Variants in ADAMTS6 observed in about 807,000 individuals in gnomAD.
ADAMTS6 encodes the protein ADAM metallopeptidase with thrombospondin type 1 motif 6, also known as A disintegrin and metalloproteinase with thrombospondin motifs 6.
A neutral mutation model predicts 144.3 loss-of-function variants in ADAMTS6; 23 were observed. The ratio of observed to expected loss-of-function variants is 0.16; its 90% confidence interval spans 0.11 to 0.23. The LOEUF is 0.23. Among genes scored for constraint, ADAMTS6 ranks in the 10% least tolerant of loss-of-function variants. ADAMTS6 has a pLI of 1.00. For missense variants in ADAMTS6, 999 were observed against 1,379.6 expected, an observed-to-expected ratio of 0.72 and a Z score of 4.37; for synonymous variants, 444 against 457.5, an observed-to-expected ratio of 0.97 and a Z score of 0.38.
intron 7 of ADAMTS6, among the ~76,000 whole-genome samples, chr5:65,372,911 C>G (rs1159040590): frequency 3.9e-5 from 6 of 151,952 alleles, no homozygotes; most frequent in Non-Finnish European, 7.4e-5. Context: ...AACTATCTCT[C>G]AGACCACAGT....
In ADAMTS6 at chr5:65,179,841, A is replaced by G. The variant is rs944712533; in HGVS notation, c.2911-6833T>C. ...CCCTAACACCATCAGCCTGTTTTATAATTATGTATTTACATGTCTTTTCAT... is the reference window on the plus strand; with the variant it reads ...CCCTAACACCATCAGCCTGTTTTATGATTATGTATTTACATGTCTTTTCAT... On this transcript the variant is annotated intron_variant, in intron 22 of 24. Coordinates refer to ENST00000381055, the MANE Select transcript of ADAMTS6 (RefSeq NM_197941.4). Among the ~76,000 whole-genome samples the G allele has an allele frequency of 2.8e-4, 42 of 152,170 alleles. 1 individual carries two copies.
In ADAMTS6 at chr5:65,188,052, T is replaced by C. The variant is rs764575110; in HGVS notation, c.2874A>G (p.Ser958=). The part of the protein sequence containing the change: ...PVEKEPCNNQ[S]CPPQWVALDW... Reference sequence around the variant, plus strand: ...CCAAAGCCACCCACTGTGGTGGACATGACTGGTTGTTGCAGGGCTCTTTTT... The same window carrying C: ...CCAAAGCCACCCACTGTGGTGGACACGACTGGTTGTTGCAGGGCTCTTTTT... Residue 958 remains serine, a synonymous_variant, in exon 22 of 25, where the codon TCA becomes TCG. Coordinates refer to ENST00000381055, the MANE Select transcript of ADAMTS6 (RefSeq NM_197941.4). The C allele has an allele frequency of 9.3e-6, 15 of 1,613,990 alleles. No individual in the cohort carries two copies. Among genetic ancestry groups the C allele is most frequent in the African/African-American group, 2.7e-5 (2 of 74,902 alleles).
chr5:65,418,170 C>T (rs905972002), intron 7 of ADAMTS6, among the ~76,000 whole-genome samples: 2 of 151,836 alleles, frequency 1.3e-5, no homozygotes, highest in African/African-American at 4.8e-5. Flanking sequence ...TAGCTATATT[C>T]AAAATGAAAC....
intron 9 of ADAMTS6, among the ~76,000 whole-genome samples, chr5:65,310,273 T>C (rs972217675): frequency 1.3e-5 from 2 of 152,180 alleles, no homozygotes; most frequent in Admixed American, 1.3e-4. Context: ...ATTAAGTTTC[T>C]TTTATTTAGA....
chr5:65,403,170 A>T (rs1210230374), intron 7 of ADAMTS6, among the ~76,000 whole-genome samples: 2 of 152,120 alleles, frequency 1.3e-5, no homozygotes, highest in African/African-American at 2.4e-5. Flanking sequence ...CTTTCAGAGC[A>T]ACACTTTCTC....
Position 65,242,164 on chromosome 5 carries a change from C to T in ADAMTS6, c.1873G>A (p.Ala625Thr). The change falls in exon 15 of 25, where the codon GCA becomes ACA. Residue 625 changes from alanine to threonine, a missense_variant. This residue lies in a region of ADAMTS6 where 619 missense variants were observed against 837.0 expected (regional missense o/e 0.74). Transcript: ENST00000381055. The stretch of plus-strand genomic sequence containing the variant: ...CGGAAAGGCATATTGTCAAAGTCTG[C>T]ACACTGTTTCTCTCGAAAATCTCGG... ...GSRDFREKQC[A>T]DFDNMPFRGK... 1 of 1,602,146 alleles carries T rather than the reference C, an allele frequency of 6.2e-7. No individual in the cohort carries two copies. Among genetic ancestry groups the T allele is most frequent in the Non-Finnish European group, 8.5e-7 (1 of 1,172,444 alleles).
chr5:65,364,213 G>A (rs1750087572), intron 7 of ADAMTS6, among the ~76,000 whole-genome samples: 1 of 152,130 alleles, frequency 6.6e-6, no homozygotes, highest in Non-Finnish European at 1.5e-5. Flanking sequence ...AAGGTTTTTG[G>A]CTAAGTACAA....
At chr5:65,282,840 T>C (rs530841041) in intron 11 of ADAMTS6, among the ~76,000 whole-genome samples, 22 of 152,210 alleles carry the variant, frequency 1.4e-4, no homozygotes, top group African/African-American at 4.8e-4. Context: ...TCAGGTTTAC[T>C]TTGGAATAAC....
intron 14 of ADAMTS6, among the ~76,000 whole-genome samples, chr5:65,245,438 C>A (rs138719154): frequency 3.5e-4 from 53 of 152,284 alleles, no homozygotes; most frequent in African/African-American, 1.3e-3. Flanking sequence ...CCAGCTTCTG[C>A]TGTGTGATTC....
Position 65,151,109 on chromosome 5 carries a change from T to A in ADAMTS6, c.*727A>T, listed in dbSNP as rs781078973. The A allele has an allele frequency of 1.3e-5, 2 of 152,690 alleles. No individual in the cohort carries two copies. Among genetic ancestry groups the A allele is most frequent in the African/African-American group, 2.4e-5 (1 of 41,480 alleles). 9.5% of individuals were successfully genotyped at this position (152,690 alleles called of 1,614,324 possible). ...CAAGTTGGCCACAGTCTTTCAGCAC[T>A]GAGTTTATAGACTTGCACAGCTGCA... On this transcript the variant is annotated 3_prime_UTR_variant, in exon 25 of 25. Transcript: ENST00000381055.
rs1027583308 is a variant in ADAMTS6 at position 65,150,941 on chromosome 5, T to G, written c.*895A>C. The G allele has an allele frequency of 6.5e-6, 1 of 152,686 alleles. No homozygotes were observed. Among genetic ancestry groups the G allele is most frequent in the Non-Finnish European group, 1.5e-5 (1 of 68,074 alleles). 9.5% of individuals were successfully genotyped at this position (152,686 alleles called of 1,614,324 possible). ...CACAAGTGAGTTGGAGGGACTCAAA[T>G]AAGAACTAAGGCATCCTGTGTGGTG... is the stretch of plus-strand genomic sequence containing the variant. On this transcript the variant is annotated 3_prime_UTR_variant, in exon 25 of 25. Transcript: ENST00000381055.
intron 7 of ADAMTS6, among the ~76,000 whole-genome samples, chr5:65,438,061 T>C (rs1266406266): frequency 6.6e-6 from 1 of 152,226 alleles, no homozygotes; most frequent in Non-Finnish European, 1.5e-5. Flanking sequence ...ATTTGAAGAC[T>C]ATTCAGAACT....
At chr5:65,387,422 C>T (rs1480765419) in intron 7 of ADAMTS6, among the ~76,000 whole-genome samples, 4 of 152,164 alleles carry the variant, frequency 2.6e-5, no homozygotes, top group Admixed American at 2.6e-4. Flanking sequence ...AGGACTAGGA[C>T]TTCACACCTT....
At chr5:65,240,060 T>C (rs1423872458) in intron 15 of ADAMTS6, among the ~76,000 whole-genome samples, 1 of 152,182 alleles carries the variant, frequency 6.6e-6, no homozygotes, top group Admixed American at 6.5e-5. Flanking sequence ...CAAATGTTCA[T>C]AGCAGTTTAC....
chr5:65,153,567 T>C (rs571222632), intron 24 of ADAMTS6, among the ~76,000 whole-genome samples: 16 of 152,360 alleles, frequency 1.1e-4, no homozygotes, highest in African/African-American at 3.8e-4. Flanking sequence ...TTGCTATTAT[T>C]ATTACAATTA....
intron 24 of ADAMTS6, among the ~76,000 whole-genome samples, chr5:65,169,886 T>TG (rs1261377568): frequency 3.5e-4 from 25 of 70,440 alleles, no homozygotes; most frequent in African/African-American, 1.8e-3. Context: ...GGGACTGTGG[T>TG]GGGGAGGGGG....
chr5:65,374,479 A>C (rs960419706), intron 7 of ADAMTS6, among the ~76,000 whole-genome samples: 35 of 150,392 alleles, frequency 2.3e-4, no homozygotes, highest in Admixed American at 1.8e-3. Context: ...ACAAACAGAG[A>C]GCCAAATCAT....
intron 22 of ADAMTS6, among the ~76,000 whole-genome samples, chr5:65,177,722 A>C (rs1481338674): frequency 6.6e-6 from 1 of 152,266 alleles, no homozygotes; most frequent in African/African-American, 2.4e-5. Context: ...ACAGGATACC[A>C]AGATGCAAAT....
intron 1 of ADAMTS6, among the ~76,000 whole-genome samples, chr5:65,479,095 T>G (rs915482339): frequency 6.6e-6 from 1 of 152,228 alleles, no homozygotes; most frequent in Non-Finnish European, 1.5e-5. Context: ...CTCAACTTCT[T>G]TCATCCATCT....
Sources: allele counts gnomAD v4.1 joint callset (sites outside exome capture counted in the v4.1 genomes callset), GRCh38; gene constraint gnomAD v4.1.1; regional missense constraint gnomAD v4.1.1; transcripts MANE v1.5; gene names NCBI Gene and HGNC (gene_info 2026-07-23, HGNC 2026-07-21).